NUBPL: variants seen among roughly 807,000 people sequenced by gnomAD.
The protein encoded by NUBPL is NUBP iron-sulfur cluster assembly factor, mitochondrial, also known as iron-sulfur cluster transfer protein NUBPL.
NUBPL carries 31 observed loss-of-function variants against 45.7 expected under a neutral mutation model. The observed-to-expected ratio is 0.68, with a 90% CI of 0.51 to 0.92. NUBPL has a LOEUF of 0.92. Among genes scored for constraint, NUBPL ranks in the 40% least tolerant of loss-of-function variants. The pLI, the probability that NUBPL is intolerant of heterozygous loss-of-function variation, is 0.00. For missense variants in NUBPL, 401 were observed against 398.7 expected, an observed-to-expected ratio of 1.01 and a Z score of -0.05; for synonymous variants, 144 against 140.9, an observed-to-expected ratio of 1.02 and a Z score of -0.15.
chr14:31,748,093 G>A (rs1595575789), intron 6 of NUBPL, among the ~76,000 whole-genome samples: 1 of 152,202 alleles, frequency 6.6e-6, no homozygotes, highest in South Asian at 2.1e-4. Context: ...TAATTTCCCT[G>A]TATTTGTACT....
At chr14:31,668,011 C>T (rs2139794056) in intron 4 of NUBPL, 1 of 153,044 alleles carries the variant, frequency 6.5e-6, no homozygotes, top group African/African-American at 2.4e-5. Context: ...GAGGTGTCTC[C>T]CAGTCACGAG....
chr14:31,727,813 C>T (rs1253084901), intron 6 of NUBPL, among the ~76,000 whole-genome samples: 2 of 152,078 alleles, frequency 1.3e-5, no homozygotes, highest in Admixed American at 1.3e-4. Flanking sequence ...TATTTTAATT[C>T]AGTATGTTTT....
At chr14:31,622,150 T>G (rs2035079761) in intron 4 of NUBPL, among the ~76,000 whole-genome samples, 1 of 152,146 alleles carries the variant, frequency 6.6e-6, no homozygotes, top group Non-Finnish European at 1.5e-5. Context: ...TAGAGAGTTG[T>G]GGAACTTTGA....
At chr14:31,622,191 A>G (rs954018105) in intron 4 of NUBPL, among the ~76,000 whole-genome samples, 2 of 152,190 alleles carry the variant, frequency 1.3e-5, no homozygotes, top group Non-Finnish European at 2.9e-5. Context: ...GATATCTGGC[A>G]GAAGAAATCT....
chr14:31,854,050 A>G (rs1422781909), intron 10 of NUBPL, among the ~76,000 whole-genome samples: 3 of 152,220 alleles, frequency 2.0e-5, no homozygotes. Context: ...AAGACTTTCA[A>G]ATATTAGTGG....
chr14:31,726,873 G>C (rs1487759366), intron 6 of NUBPL, among the ~76,000 whole-genome samples: 1 of 152,152 alleles, frequency 6.6e-6, no homozygotes, highest in African/African-American at 2.4e-5. Context: ...AGCTGATGAT[G>C]CTTTGTCTTG....
At chr14:31,696,772 G>T (rs986448076) in intron 6 of NUBPL, among the ~76,000 whole-genome samples, 1 of 152,128 alleles carries the variant, frequency 6.6e-6, no homozygotes, top group African/African-American at 2.4e-5. Flanking sequence ...GAACATTAGA[G>T]AATTAGAAAC....
intron 3 of NUBPL, among the ~76,000 whole-genome samples, chr14:31,588,367 T>G (rs1292576562): frequency 6.6e-6 from 1 of 152,234 alleles, no homozygotes; most frequent in East Asian, 1.9e-4. Context: ...TTCACAAATT[T>G]GCAGTGCTCT....
At chr14:31,843,680 C>T (rs1279073301) in intron 8 of NUBPL, 2 of 152,258 alleles carry the variant, frequency 1.3e-5, no homozygotes, top group Admixed American at 1.3e-4. Flanking sequence ...TGAAGGGAGA[C>T]ATGTGCTCCC....
At chr14:31,801,023 C>A (rs1399369077) in intron 7 of NUBPL, 2 of 152,130 alleles carry the variant, frequency 1.3e-5, no homozygotes, top group African/African-American at 2.4e-5. Flanking sequence ...AGTGACAGTA[C>A]AAGTTGTTAT....
chr14:31,732,345 T>A (rs1454979110), intron 6 of NUBPL, among the ~76,000 whole-genome samples: 1 of 152,104 alleles, frequency 6.6e-6, no homozygotes, highest in Admixed American at 6.5e-5. Context: ...TTAGCTAGCC[T>A]ATATTTCAGA....
intron 6 of NUBPL, among the ~76,000 whole-genome samples, chr14:31,717,573 A>G (rs1000180513): frequency 7.9e-5 from 12 of 152,128 alleles, no homozygotes; most frequent in Admixed American, 5.9e-4. Flanking sequence ...GACAGTTTTT[A>G]TTGCATTCCT....
At chr14:31,782,016 T>G (rs1211274478) in intron 6 of NUBPL, among the ~76,000 whole-genome samples, 3 of 152,210 alleles carry the variant, frequency 2.0e-5, no homozygotes, top group Non-Finnish European at 2.9e-5. Flanking sequence ...TTGTGAAGCT[T>G]CTTTTAAATA....
intron 8 of NUBPL, among the ~76,000 whole-genome samples, chr14:31,828,263 C>T (rs183102308): frequency 1.3e-5 from 2 of 152,248 alleles, no homozygotes; most frequent in Admixed American, 1.3e-4. Context: ...ACAAACTAGA[C>T]ACAAGTAATG....
In NUBPL at chr14:31,829,221, T is replaced by C. The variant is rs146200503; in HGVS notation, c.693+2507T>C. ...CAAGTTGAAATTTATAGTTCTTTCC[T>C]CTGGCCTTTTGGACATCTTCCTGTA... On this transcript the variant is annotated intron_variant, in intron 8 of 10. Coordinates refer to ENST00000281081, the MANE Select transcript of NUBPL (RefSeq NM_025152.3). 9.8e-5 allele frequency among the ~76,000 whole-genome samples: 15 copies of C among 152,292 alleles called. No homozygotes were observed. The East Asian group carries it at 2.9e-3, about 29-fold the overall frequency.
chr14:31,629,723 A>C (rs2035293920), intron 4 of NUBPL, among the ~76,000 whole-genome samples: 2 of 152,220 alleles, frequency 1.3e-5, no homozygotes, highest in African/African-American at 4.8e-5. Context: ...GAATTAAATT[A>C]GACCTTTATA....
At chr14:31,609,641 G>A (rs183644542) in intron 4 of NUBPL, among the ~76,000 whole-genome samples, 268 of 152,214 alleles carry the variant, frequency 1.8e-3, no homozygotes, top group Middle Eastern at 6.8e-3. Flanking sequence ...TCAGCACATG[G>A]ATCATTCTTA....
intron 6 of NUBPL, among the ~76,000 whole-genome samples, chr14:31,769,259 C>T (rs1458198748): frequency 6.6e-6 from 1 of 152,122 alleles, no homozygotes; most frequent in African/African-American, 2.4e-5. Flanking sequence ...TGATTACAGT[C>T]TCCTTTTAAT....
intron 4 of NUBPL, among the ~76,000 whole-genome samples, chr14:31,612,350 A>T (rs1207081413): frequency 6.6e-6 from 1 of 152,218 alleles, no homozygotes; most frequent in Non-Finnish European, 1.5e-5. Flanking sequence ...AGACATGCAA[A>T]TAGCAAACAG....
Sources: gnomAD v4.1 joint callset for allele counts (sites outside exome capture counted in the v4.1 genomes callset) on GRCh38, gnomAD v4.1.1 for gene constraint, MANE v1.5 for transcripts, NCBI Gene and HGNC (gene_info 2026-07-23, HGNC 2026-07-21) for gene names.